PARD3B: variants seen among roughly 807,000 people sequenced by gnomAD.
PARD3B encodes the protein partitioning defective 3 homolog B.
A neutral mutation model predicts 130.2 loss-of-function variants in PARD3B; 103 were observed. The ratio of observed to expected loss-of-function variants is 0.79; its 90% CI spans 0.67 to 0.93. The LOEUF is 0.93. Ranked by LOEUF, PARD3B falls within the 40% of genes least tolerant of loss-of-function variation. The probability of loss-of-function intolerance (pLI) is 0.00; values close to 1 mark genes in which losing one functional copy is unlikely to be tolerated. For synonymous variants in PARD3B, 583 were observed against 553.2 expected, an observed-to-expected ratio of 1.05 and a Z score of -0.76; for missense variants, 1,609 against 1,499.2, an observed-to-expected ratio of 1.07 and a Z score of -1.21.
At chr2:205,356,622 G>T (rs1406954361) in intron 18 of PARD3B, among the ~76,000 whole-genome samples, 1 of 152,150 alleles carries the variant, frequency 6.6e-6, no homozygotes, top group Non-Finnish European at 1.5e-5. Flanking sequence ...CAGCCGTGAT[G>T]GCTAACGCCT....
chr2:204,575,305 G>A (rs1293006879), intron 1 of PARD3B, among the ~76,000 whole-genome samples: 1 of 152,116 alleles, frequency 6.6e-6, no homozygotes, highest in Admixed American at 6.6e-5. Context: ...TGGTTGGAGT[G>A]AACCTTTAAA....
chr2:205,579,399 G>C (rs1420351128), intron 22 of PARD3B, among the ~76,000 whole-genome samples: 1 of 152,134 alleles, frequency 6.6e-6, no homozygotes, highest in Non-Finnish European at 1.5e-5. Context: ...ATCAGTTTGA[G>C]AATTCTAATA....
At position 205,173,839 on chromosome 2, in the gene PARD3B, G is replaced by A. The variant is rs550568927; in HGVS notation, c.1791+1458G>A. Among the ~76,000 whole-genome samples, 47 of 152,250 alleles carry A rather than the reference G, an allele frequency of 3.1e-4. 1 individual carries two copies. Among genetic ancestry groups the A allele is most frequent in the African/African-American group, 1.0e-3 (43 of 41,556 alleles). On this transcript the variant is annotated intron_variant, in intron 12 of 22. Coordinates refer to ENST00000406610, the MANE Select transcript of PARD3B (RefSeq NM_001302769.2). The stretch of plus-strand genomic sequence containing the variant: ...AGAGAATTGGCCCCATCTGGTTTAG[G>A]ATAGTTCTTACTCTAGAGCCCTAGG...
intron 2 of PARD3B, among the ~76,000 whole-genome samples, chr2:204,934,664 T>A (rs1688277707): frequency 6.6e-6 from 1 of 152,198 alleles, no homozygotes; most frequent in South Asian, 2.1e-4. Context: ...ACCTTTTTTA[T>A]TATTAAAATG....
At chr2:205,089,884 A>G (rs768553770) in intron 4 of PARD3B, among the ~76,000 whole-genome samples, 1 of 152,216 alleles carries the variant, frequency 6.6e-6, no homozygotes, top group African/African-American at 2.4e-5. Flanking sequence ...CAGAAAATTA[A>G]CCAATATGTT....
chr2:204,671,295 CT>C (rs1021025582), intron 1 of PARD3B, among the ~76,000 whole-genome samples: 7 of 152,234 alleles, frequency 4.6e-5, no homozygotes, highest in Admixed American at 3.9e-4. Context: ...GAGTCTGGAT[CT>C]TGCTCTTTTT....
chr2:205,084,872 A>G (rs1036065564), intron 4 of PARD3B, among the ~76,000 whole-genome samples: 7 of 152,046 alleles, frequency 4.6e-5, no homozygotes, highest in Non-Finnish European at 8.8e-5. Flanking sequence ...AAGAATAAAT[A>G]ATAAACTTTT....
At chr2:204,861,658 G>A (rs1032431917) in intron 2 of PARD3B, among the ~76,000 whole-genome samples, 2 of 151,920 alleles carry the variant, frequency 1.3e-5, no homozygotes, top group Non-Finnish European at 2.9e-5. Flanking sequence ...AAGTACTCTT[G>A]GCTTTTGGAC....
At chr2:205,353,317 C>T (rs1049344859) in intron 18 of PARD3B, among the ~76,000 whole-genome samples, 4 of 152,190 alleles carry the variant, frequency 2.6e-5, no homozygotes, top group Admixed American at 1.3e-4. Context: ...CTTTTCTCCC[C>T]CTTGATAGTG....
intron 19 of PARD3B, among the ~76,000 whole-genome samples, chr2:205,419,106 C>T (rs1338761109): frequency 1.3e-5 from 2 of 152,046 alleles, no homozygotes; most frequent in South Asian, 4.2e-4. Context: ...TCTCCCCACC[C>T]AAATCTCATC....
intron 18 of PARD3B, among the ~76,000 whole-genome samples, chr2:205,388,543 A>G (rs532974476): frequency 2.0e-5 from 3 of 152,320 alleles, no homozygotes; most frequent in African/African-American, 7.2e-5. Flanking sequence ...TGTTGTTTGT[A>G]ATAGCTCTTT....
chr2:204,979,378 A>C (rs1692474016), intron 3 of PARD3B, among the ~76,000 whole-genome samples: 1 of 152,182 alleles, frequency 6.6e-6, no homozygotes, highest in African/African-American at 2.4e-5. Context: ...CTGCCAATGA[A>C]CATGCTTTAT....
intron 3 of PARD3B, among the ~76,000 whole-genome samples, chr2:204,986,581 C>T (rs1282070156): frequency 6.6e-6 from 1 of 152,144 alleles, no homozygotes; most frequent in Non-Finnish European, 1.5e-5. Context: ...TTAACGTACG[C>T]AATTAATACT....
At chr2:205,172,500 T>A (rs772804067) in intron 12 of PARD3B, 119 bp downstream of exon 12, 12 of 1,040,470 alleles carry the variant, frequency 1.2e-5, no homozygotes, top group Non-Finnish European at 1.5e-5. Flanking sequence ...AGAAGGGCTT[T>A]GATGGGAAAC....
At chr2:205,403,818 A>AT (rs982728563) in intron 19 of PARD3B, among the ~76,000 whole-genome samples, 35 of 152,222 alleles carry the variant, frequency 2.3e-4, no homozygotes, top group African/African-American at 7.9e-4. Flanking sequence ...GATACACAGG[A>AT]TTTTTTTCTC....
chr2:205,606,251 A>C (rs1280918934), intron 22 of PARD3B, among the ~76,000 whole-genome samples: 3 of 152,076 alleles, frequency 2.0e-5, no homozygotes, highest in African/African-American at 4.8e-5. Flanking sequence ...GCATGGGCTC[A>C]CGAGTGGGAT....
rs911573870 is a variant in PARD3B at position 205,594,355 on chromosome 2, A to G, written c.3261-21101A>G. ...AATGTGAACCAGGTAAGGTGATGGA[A>G]ATTTTAGTCTGCCTCTCAGGACACT... On this transcript the variant is annotated intron_variant, in intron 22 of 22. Coordinates refer to ENST00000406610, the MANE Select transcript of PARD3B (RefSeq NM_001302769.2). 5.3e-5 allele frequency among the ~76,000 whole-genome samples: 8 copies of G among 152,150 alleles called. No homozygotes were observed. The South Asian group carries it at 8.3e-4, about 16-fold the overall frequency.
chr2:205,020,688 A>G (rs1434461376), intron 3 of PARD3B, among the ~76,000 whole-genome samples: 1 of 152,154 alleles, frequency 6.6e-6, no homozygotes, highest in Non-Finnish European at 1.5e-5. Context: ...TAGGAAAATT[A>G]TCTTTGAAAC....
At chr2:204,588,977 G>T (rs1468101498) in intron 1 of PARD3B, among the ~76,000 whole-genome samples, 2 of 150,414 alleles carry the variant, frequency 1.3e-5, no homozygotes, top group Non-Finnish European at 2.9e-5. Flanking sequence ...AGCTCTTCAG[G>T]ATGCCACATT....
Sources: gnomAD v4.1 joint callset for allele counts (sites outside exome capture counted in the v4.1 genomes callset) on GRCh38, gnomAD v4.1.1 for gene constraint, MANE v1.5 for transcripts, NCBI Gene and HGNC (gene_info 2026-07-23, HGNC 2026-07-21) for gene names.